The following SMCO2 variants were observed in gnomAD, a reference collection of about 807,000 sequenced individuals.
SMCO2 encodes single-pass membrane protein with coiled-coil domains 2, also known as single-pass membrane and coiled-coil domain-containing protein 2.
Under a neutral mutation model 29.5 loss-of-function variants are expected in SMCO2, and 25 were observed. That is an observed-to-expected ratio of 0.85 (90% CI 0.62 to 1.18). The LOEUF is 1.18. SMCO2 is among the 50% of genes most tolerant of loss of function. The probability of loss-of-function intolerance (pLI) is 0.00; values close to 1 mark genes in which losing one functional copy is unlikely to be tolerated. For synonymous variants in SMCO2, 117 were observed against 123.3 expected, an observed-to-expected ratio of 0.95 and a Z score of 0.34; for missense variants, 348 against 344.5, an observed-to-expected ratio of 1.01 and a Z score of -0.08.
chr12:27,494,832 C>T (rs1942978779), intron 6 of SMCO2, among the ~76,000 whole-genome samples: 3 of 151,952 alleles, frequency 2.0e-5, no homozygotes, highest in Non-Finnish European at 1.5e-5. Context: ...TTCCCTTTGG[C>T]CTTCTGCTTG....
At chr12:27,471,031 T>A (rs771203236) in intron 2 of SMCO2, among the ~76,000 whole-genome samples, 8 of 152,202 alleles carry the variant, frequency 5.3e-5, no homozygotes, top group Non-Finnish European at 1.2e-4. Context: ...GATTGTTTTA[T>A]GGCTTCATTA....
intron 4 of SMCO2, among the ~76,000 whole-genome samples, chr12:27,478,823 T>C (rs1022733027): frequency 4.6e-5 from 7 of 152,102 alleles, no homozygotes; most frequent in Non-Finnish European, 1.0e-4. Flanking sequence ...AAATGATGTG[T>C]GGCAGGCACT....
At chr12:27,458,166 A>G in the SMCO2 span, among the ~76,000 whole-genome samples, 3 of 152,182 alleles carry the variant, frequency 2.0e-5, no homozygotes, top group African/African-American at 7.2e-5. Context: ...ACTTAAGCGC[A>G]TTAGTATTCT....
At chr12:27,431,960 G>A in the SMCO2 span, among the ~76,000 whole-genome samples, 280 of 152,130 alleles carry the variant, frequency 1.8e-3, 1 homozygote, top group South Asian at 4.4e-3. Flanking sequence ...CTGTTTATTG[G>A]ATAGTAGCCA....
chr12:27,488,328 A>T (rs897882388), intron 4 of SMCO2, 132 bp from the exon 6 acceptor site: 4 of 487,334 alleles, frequency 8.2e-6, no homozygotes, highest in East Asian at 3.4e-5. Flanking sequence ...TTTACTTCCC[A>T]TTGCAATACA....
chr12:27,464,996 T>C (rs1241188880), upstream of SMCO2, among the ~76,000 whole-genome samples: 2 of 122,316 alleles, frequency 1.6e-5, no homozygotes, highest in Non-Finnish European at 3.1e-5. Context: ...ACCACTGCAC[T>C]CCAGCCTGAG....
intron 2 of SMCO2, among the ~76,000 whole-genome samples, chr12:27,471,939 A>G (rs576658590): frequency 1.4e-4 from 21 of 152,324 alleles, no homozygotes; most frequent in Middle Eastern, 3.4e-3. Context: ...GGGTTTTCCA[A>G]TAGATATGCT....
chr12:27,443,298 T>C, the SMCO2 span, among the ~76,000 whole-genome samples: 7 of 152,152 alleles, frequency 4.6e-5, no homozygotes, highest in African/African-American at 1.4e-4. Flanking sequence ...AAAAAACATT[T>C]TTATAAAATT....
chr12:27,448,407 A>G, the SMCO2 span, among the ~76,000 whole-genome samples: 1 of 152,188 alleles, frequency 6.6e-6, no homozygotes, highest in Non-Finnish European at 1.5e-5. Context: ...CTACTTGTTG[A>G]AATAGAAAGG....
At chr12:27,460,003 C>T in the SMCO2 span, among the ~76,000 whole-genome samples, 2 of 152,206 alleles carry the variant, frequency 1.3e-5, no homozygotes, top group African/African-American at 4.8e-5. Context: ...TAGCATAAAC[C>T]TATCACAAGT....
At chr12:27,501,776 C>T in intron 7 of SMCO2, 147 bp from the exon 9 acceptor site, 1 of 599,386 alleles carries the variant, frequency 1.7e-6, no homozygotes, top group Non-Finnish European at 2.8e-6. Context: ...TCCTCCATTC[C>T]AAGCTGCTGC....
At chr12:27,463,556 C>T (rs146976975), upstream of SMCO2, among the ~76,000 whole-genome samples, 6 of 152,242 alleles carry the variant, frequency 3.9e-5, no homozygotes, top group East Asian at 7.7e-4. Flanking sequence ...TGTGAGCCAC[C>T]GTGCCAGGCT....
intron 5 of SMCO2, among the ~76,000 whole-genome samples, chr12:27,491,098 G>T (rs181420292): frequency 7.7e-4 from 117 of 152,136 alleles, no homozygotes; most frequent in Non-Finnish European, 1.6e-3. Context: ...TAAAATGTGG[G>T]AAAATTAAAG....
At chr12:27,456,257 G>T in the SMCO2 span, among the ~76,000 whole-genome samples, 1 of 152,184 alleles carries the variant, frequency 6.6e-6, no homozygotes, top group Non-Finnish European at 1.5e-5. Flanking sequence ...TTATATAAAA[G>T]ACATTATATG....
Position 27,496,148 on chromosome 12 carries a change from A to G in SMCO2, c.683+293A>G, listed in dbSNP as rs566188355. Among the ~76,000 whole-genome samples the G allele has an allele frequency of 2.3e-3, 344 of 150,280 alleles. 20 individuals carry two copies. The highest frequency in any genetic ancestry group is 8.2e-3 in the African/African-American group (330 of 40,074). ...AAATATAGATAGATATATCTTCATG[A>G]TCAAAGATATATGACCAAAGACCTC... is the stretch of plus-strand genomic sequence containing the variant. On this transcript the variant is annotated intron_variant, in intron 7 of 7. Transcript: ENST00000298876.
chr12:27,435,393 C>A, the SMCO2 span, among the ~76,000 whole-genome samples: 1 of 148,698 alleles, frequency 6.7e-6, no homozygotes, highest in South Asian at 2.2e-4. Flanking sequence ...TAATGAAGAA[C>A]CCCTACTCTA....
At chr12:27,494,269 A>G (rs1942968923) in intron 5 of SMCO2, 31 bp from the exon 7 acceptor site, 3 of 1,368,102 alleles carry the variant, frequency 2.2e-6, no homozygotes, top group Non-Finnish European at 2.9e-6. Flanking sequence ...TATAAGTTTC[A>G]TTTTACCCAG....
upstream of SMCO2, among the ~76,000 whole-genome samples, chr12:27,466,224 C>A (rs148640000): frequency 9.4e-3 from 1,430 of 152,160 alleles, 16 homozygotes; most frequent in Non-Finnish European, 0.015. Context: ...GAGTTCGAGA[C>A]CAGCCCGGCC....
the SMCO2 span, among the ~76,000 whole-genome samples, chr12:27,441,546 C>T: frequency 6.6e-6 from 1 of 152,092 alleles, no homozygotes; most frequent in Non-Finnish European, 1.5e-5. Context: ...AAATTATAAA[C>T]ATCTATGCAC....
Sources: allele counts gnomAD v4.1 joint callset (sites outside exome capture counted in the v4.1 genomes callset), GRCh38; gene constraint gnomAD v4.1.1; transcripts MANE v1.5; gene names NCBI Gene and HGNC (gene_info 2026-07-23, HGNC 2026-07-21).